Variants in NUP62 observed in about 807,000 individuals in gnomAD.
NUP62 encodes nucleoporin 62, also known as nuclear pore glycoprotein p62.
For synonymous variants in NUP62, 305 were observed against 303.4 expected (o/e 1.01, Z -0.05); for missense variants, 647 against 689.4 (o/e 0.94, Z 0.69).
intron 2 of NUP62, among the ~76,000 whole-genome samples, chr19:49,922,879 C>T (rs1386600940): frequency 2.6e-5 from 4 of 152,110 alleles, no homozygotes; most frequent in Non-Finnish European, 5.9e-5. Flanking sequence ...AGCAGTTCAC[C>T]GGTCCAGGCC....
At chr19:49,919,434 C>T (rs1315251310) in intron 2 of NUP62, among the ~76,000 whole-genome samples, 1 of 152,200 alleles carries the variant, frequency 6.6e-6, no homozygotes, top group East Asian at 1.9e-4. Context: ...TTTAAGCAGG[C>T]TTATTCTCCT....
chr19:49,920,321 T>C (rs1202948435), intron 2 of NUP62, among the ~76,000 whole-genome samples: 3 of 152,176 alleles, frequency 2.0e-5, no homozygotes, highest in African/African-American at 7.2e-5. Context: ...GACCTTGAGA[T>C]CCGCCCACCT....
In NUP62 at chr19:49,914,069, C is replaced by A. The variant is rs113397490; in HGVS notation, c.-77-4185G>T. On this transcript the variant is annotated intron_variant, in intron 2 of 2. Coordinates refer to ENST00000352066, the MANE Select transcript of NUP62 (RefSeq NM_016553.5). ...GTCTGTCCAGGTTAACAGTGACAGG[C>A]CAGGCATGATGGCTCACACCTGTAA... is the stretch of plus-strand genomic sequence containing the variant. Among the ~76,000 whole-genome samples, 745 of 152,200 alleles carry A rather than the reference C, an allele frequency of 4.9e-3. 2 individuals carry two copies. The highest frequency in any genetic ancestry group is 7.7e-3 in the Non-Finnish European group (524 of 68,012).
At position 49,909,163 on chromosome 19, in the gene NUP62, G is replaced by A. The variant is rs779347531; in HGVS notation, c.645C>T (p.Thr215=). 1.2e-6 allele frequency: 2 copies of A among 1,613,502 alleles called. No individual in the cohort carries two copies. The highest frequency in any genetic ancestry group is 1.7e-6 in the Non-Finnish European group (2 of 1,179,836). ...PAAPTPTATI[T]STGPSLFASI... The stretch of plus-strand genomic sequence containing the variant: ...ACGCAAAGAGGCTGGGCCCAGTGCT[G>A]GTGATGGTGGCTGTGGGTGTGGGAG... The change falls in exon 3 of 3, where the codon ACC becomes ACT. Residue 215 remains threonine, a synonymous_variant. Coordinates refer to ENST00000352066, the MANE Select transcript of NUP62 (RefSeq NM_016553.5).
At chr19:49,911,822 G>T (rs1318366099) in intron 2 of NUP62, among the ~76,000 whole-genome samples, 1 of 152,230 alleles carries the variant, frequency 6.6e-6, no homozygotes, top group Non-Finnish European at 1.5e-5. Context: ...TTTCCTGGGG[G>T]ATTCTGAGAA....
chr19:49,926,976 T>C (rs1359547165), intron 2 of NUP62, among the ~76,000 whole-genome samples: 3 of 151,864 alleles, frequency 2.0e-5, no homozygotes, highest in East Asian at 1.9e-4. Flanking sequence ...CCTCCTGCCT[T>C]AGCCTCATGA....
intron 2 of NUP62, among the ~76,000 whole-genome samples, chr19:49,920,820 G>A (rs1026470778): frequency 2.0e-5 from 3 of 152,196 alleles, no homozygotes; most frequent in Non-Finnish European, 2.9e-5. Flanking sequence ...TGAGAGCAGC[G>A]GACAGGCGTG....
rs769088748 is a variant in NUP62, at chr19:49,909,596, G to A, written c.212C>T (p.Thr71Met). Residue 71 changes from threonine (T) to methionine (M), a missense_variant, in exon 3 of 3, where the codon ACG (threonine) becomes ATG (methionine). Thr to Met is a moderately conservative substitution (Grantham distance 81). Coordinates refer to ENST00000352066, the MANE Select transcript of NUP62 (RefSeq NM_016553.5). ...SLATQTPATQ[T>M]TGFTFGTATL... ...CGCTGTTCCAAAAGTGAAGCCTGTC[G>A]TCTGTGTGGCCGGAGTCTGGGTGGC... The A allele has an allele frequency of 4.3e-6, 7 of 1,614,054 alleles. No individual in the cohort carries two copies. Among genetic ancestry groups the A allele is most frequent in the East Asian group, 2.2e-5 (1 of 44,902 alleles).
At chr19:49,919,101 C>A (rs868534273) in intron 2 of NUP62, among the ~76,000 whole-genome samples, 1 of 151,800 alleles carries the variant, frequency 6.6e-6, no homozygotes, top group Non-Finnish European at 1.5e-5. Context: ...TGCAGTGAGC[C>A]GAGATCACAC....
chr19:49,918,077 T>C (rs1020821006), intron 2 of NUP62, among the ~76,000 whole-genome samples: 12 of 137,794 alleles, frequency 8.7e-5, no homozygotes, highest in Non-Finnish European at 1.8e-4. Flanking sequence ...CTTTCCTTTT[T>C]CTTTTTTTTT....
At chr19:49,919,553 A>G (rs2075713692) in intron 2 of NUP62, among the ~76,000 whole-genome samples, 1 of 152,158 alleles carries the variant, frequency 6.6e-6, no homozygotes, top group Admixed American at 6.5e-5. Flanking sequence ...GGCAGTAGCT[A>G]AATGATTTGT....
chr19:49,919,717 C>A (rs1243007266), intron 2 of NUP62, among the ~76,000 whole-genome samples: 1 of 152,080 alleles, frequency 6.6e-6, no homozygotes, highest in South Asian at 2.1e-4. Context: ...ACAGGAAAAA[C>A]GAATCAGCTA....
intron 2 of NUP62, among the ~76,000 whole-genome samples, chr19:49,910,582 G>A (rs2075438601): frequency 6.6e-6 from 1 of 152,130 alleles, no homozygotes; most frequent in African/African-American, 2.4e-5. Context: ...TTTTCTCCAG[G>A]CTTGGAAGGC....
chr19:49,913,521 C>G (rs12462389), intron 2 of NUP62, among the ~76,000 whole-genome samples: 11,701 of 152,192 alleles, frequency 0.077, 761 homozygotes, highest in East Asian at 0.29. Context: ...CATGTCCTCC[C>G]CACAACCCGG....
In NUP62 at chr19:49,907,959, G is replaced by T; in HGVS notation, c.*280C>A. 1.8e-6 allele frequency: 1 copy of T among 570,134 alleles called. No homozygotes were observed. The highest frequency in any genetic ancestry group is 3.0e-6 in the Non-Finnish European group (1 of 332,008). The allele number at this position is 570,134 out of a possible 1,614,324, so 35.3% of individuals were successfully genotyped here. ...CAGCACTTCTCCATCACCAGGCTGA[G>T]CCAGGATGAGGTGGGTGGTCGCAGT... On this transcript the variant is annotated 3_prime_UTR_variant, in exon 3 of 3. Coordinates refer to ENST00000352066, the MANE Select transcript of NUP62 (RefSeq NM_016553.5).
In NUP62 at chr19:49,909,104, G is replaced by A; in HGVS notation, c.704C>T (p.Thr235Ile). ...CACAGGGGTACAGAGGGAGAGTCCA[G>A]TGGTGGCAGATGAGGTTGGAGCAGT... ...IATAPTSSAT[T>I]GLSLCTPVTT... The change falls in exon 3 of 3, where the codon ACT (threonine) becomes ATT (isoleucine). Residue 235 changes from threonine to isoleucine, a missense_variant. By Grantham distance (89) the Thr-to-Ile change is moderately conservative. Coordinates refer to ENST00000352066, the MANE Select transcript of NUP62 (RefSeq NM_016553.5). The A allele has an allele frequency of 6.2e-7, 1 of 1,612,476 alleles. No homozygotes were observed. Among genetic ancestry groups the A allele is most frequent in the Non-Finnish European group, 8.5e-7 (1 of 1,180,034 alleles).
Position 49,908,341 on chromosome 19 carries a change from G to C in NUP62, c.1467C>G (p.Asp489Glu). 6.2e-7 allele frequency: 1 copy of C among 1,614,100 alleles called. No individual in the cohort carries two copies. Among genetic ancestry groups the C allele is most frequent in the Non-Finnish European group, 8.5e-7 (1 of 1,180,002 alleles). ...NAHMDSLQWI[D>E]QNSALLQRKV... ...TCCTCTGCAGCAGGGCCGAGTTCTGGTCGATCCACTGCAGTGAGTCCATGT... is the reference window on the plus strand; with the variant it reads ...TCCTCTGCAGCAGGGCCGAGTTCTGCTCGATCCACTGCAGTGAGTCCATGT... Residue 489 changes from aspartate to glutamate, a missense_variant, in exon 3 of 3, where the codon GAC becomes GAG. Asp to Glu is a conservative substitution (Grantham distance 45). Transcript: ENST00000352066.
In NUP62 at chr19:49,908,296, C is replaced by T. The variant is rs1178003990; in HGVS notation, c.1512G>A (p.Lys504=). ...GCTCCTTGCGCCGGCCCTCGCACAC[C>T]TTGGTCACCTCCTCCACCTTCCTCT... The part of the protein sequence containing the change: ...LLQRKVEEVT[K]VCEGRRKEQE... Residue 504 remains lysine, a synonymous_variant, in exon 3 of 3, where the codon AAG becomes AAA. Transcript: ENST00000352066. 1 of 1,614,082 alleles carries T rather than the reference C, an allele frequency of 6.2e-7. No homozygotes were observed. Among genetic ancestry groups the T allele is most frequent in the Non-Finnish European group, 8.5e-7 (1 of 1,180,032 alleles).
At chr19:49,926,038 G>GT (rs1398664909) in intron 2 of NUP62, among the ~76,000 whole-genome samples, 1 of 151,866 alleles carries the variant, frequency 6.6e-6, no homozygotes, top group Non-Finnish European at 1.5e-5. Context: ...GTGAAACCCT[G>GT]TATCTACTAA....
Sources: gnomAD v4.1 joint callset for allele counts (sites outside exome capture counted in the v4.1 genomes callset) on GRCh38, gnomAD v4.1.1 for gene constraint, MANE v1.5 for transcripts, NCBI Gene and HGNC (gene_info 2026-07-23, HGNC 2026-07-21) for gene names.